The following VSTM4 variants were observed in gnomAD, a reference collection of about 807,000 sequenced individuals.
The protein encoded by VSTM4 is V-set and transmembrane domain-containing protein 4.
Under a neutral mutation model 36.4 loss-of-function variants are expected in VSTM4, and 20 were observed. The observed-to-expected ratio is 0.55, with a 90% CI of 0.39 to 0.80. VSTM4 has a LOEUF of 0.80. Among genes scored for constraint, VSTM4 ranks in the 30% least tolerant of loss-of-function variants. VSTM4 has a pLI of 0.00. For synonymous variants in VSTM4, 182 were observed against 173.9 expected (o/e 1.05, Z -0.37); for missense variants, 392 against 404.5 (o/e 0.97, Z 0.26).
In VSTM4 at chr10:49,077,280, G is replaced by A; in HGVS notation, c.573C>T (p.Ser191=). 6.2e-7 allele frequency: 1 copy of A among 1,614,208 alleles called. No homozygotes were observed. The highest frequency in any genetic ancestry group is 8.5e-7 in the Non-Finnish European group (1 of 1,180,040). The change falls in exon 4 of 8, where the codon AGC becomes AGT. Residue 191 remains serine, a synonymous_variant. Coordinates refer to ENST00000332853, the MANE Select transcript of VSTM4 (RefSeq NM_001031746.5). Reference sequence around the variant, plus strand: ...CGATGACCAGCATGAAGAGCAGAATGCTGAGGATCCCCACGCAGCACACGA... The same window carrying A: ...CGATGACCAGCATGAAGAGCAGAATACTGAGGATCCCCACGCAGCACACGA... ...AVLVCCVGIL[S]ILLFMLVIVW... is the part of the protein sequence containing the mutation.
chr10:49,100,822 GC>G (rs1844653369), intron 2 of VSTM4, among the ~76,000 whole-genome samples: 2 of 152,036 alleles, frequency 1.3e-5, no homozygotes, highest in Non-Finnish European at 2.9e-5. Context: ...GAGGATATTT[GC>G]CCTATTCTAT....
At chr10:49,028,458 T>C (rs528578713) in intron 7 of VSTM4, among the ~76,000 whole-genome samples, 1 of 152,318 alleles carries the variant, frequency 6.6e-6, no homozygotes, top group East Asian at 1.9e-4. Context: ...TTGAGGGTGA[T>C]AATCATGGAA....
intron 2 of VSTM4, chr10:49,103,897 C>A (rs200761200): frequency 6.3e-7 from 1 of 1,588,808 alleles, no homozygotes. Context: ...GCAGGTTAGA[C>A]AAGAGAGACC....
intron 7 of VSTM4, among the ~76,000 whole-genome samples, chr10:49,022,552 T>G (rs892327212): frequency 6.6e-6 from 1 of 152,130 alleles, no homozygotes; most frequent in African/African-American, 2.4e-5. Context: ...TTTTTCAATT[T>G]CAAAGTTAAG....
chr10:49,056,385 G>C (rs1257871557), intron 5 of VSTM4, among the ~76,000 whole-genome samples: 1 of 152,248 alleles, frequency 6.6e-6, no homozygotes, highest in Admixed American at 6.5e-5. Context: ...TAATGGCAGG[G>C]AGAGGTGACT....
chr10:49,038,216 A>G (rs1843463561), intron 7 of VSTM4, among the ~76,000 whole-genome samples: 1 of 152,276 alleles, frequency 6.6e-6, no homozygotes, highest in South Asian at 2.1e-4. Context: ...TCCGTTGTCC[A>G]GCAAGGGATA....
chr10:49,025,207 G>A (rs1346054878), intron 7 of VSTM4, among the ~76,000 whole-genome samples: 2 of 152,164 alleles, frequency 1.3e-5, no homozygotes, highest in Non-Finnish European at 2.9e-5. Flanking sequence ...CCCTGACTAT[G>A]TGACTGTGGT....
intron 7 of VSTM4, among the ~76,000 whole-genome samples, chr10:49,033,687 G>A (rs553233368): frequency 6.6e-6 from 1 of 152,160 alleles, no homozygotes; most frequent in Admixed American, 6.5e-5. Flanking sequence ...CCAAGTGCCT[G>A]GTTGGAGCAG....
intron 7 of VSTM4, among the ~76,000 whole-genome samples, chr10:49,039,179 C>T (rs1186322948): frequency 6.6e-6 from 1 of 152,096 alleles, no homozygotes; most frequent in Non-Finnish European, 1.5e-5. Flanking sequence ...GAGTGAGCCA[C>T]ATCTTAGAGC....
chr10:49,079,148 C>T (rs1844234356), intron 3 of VSTM4, among the ~76,000 whole-genome samples: 1 of 152,060 alleles, frequency 6.6e-6, no homozygotes, highest in Non-Finnish European at 1.5e-5. Context: ...GGATATTAAT[C>T]TACAATAATC....
At chr10:49,095,551 C>T (rs933617200) in intron 2 of VSTM4, among the ~76,000 whole-genome samples, 1 of 152,132 alleles carries the variant, frequency 6.6e-6, no homozygotes, top group Non-Finnish European at 1.5e-5. Context: ...TTGCATGCCT[C>T]TCTGGCCTCT....
At chr10:49,093,742 C>CATT in intron 2 of VSTM4, among the ~76,000 whole-genome samples, 1 of 103,664 alleles carries the variant, frequency 9.6e-6, no homozygotes, top group South Asian at 3.9e-4. Context: ...CATAGTTACT[C>CATT]TTTTTTTTTT....
chr10:49,049,507 G>T (rs1432745323), intron 5 of VSTM4, among the ~76,000 whole-genome samples: 1 of 152,130 alleles, frequency 6.6e-6, no homozygotes, highest in African/African-American at 2.4e-5. Flanking sequence ...GTAATCCAGA[G>T]GGAAGTACCT....
At chr10:49,070,687 T>C (rs1464599623) in intron 4 of VSTM4, among the ~76,000 whole-genome samples, 6 of 152,158 alleles carry the variant, frequency 3.9e-5, no homozygotes, top group Admixed American at 2.0e-4. Context: ...ACCCACTTTA[T>C]AAATAAGGGA....
chr10:49,084,020 C>T (rs1844326852), intron 3 of VSTM4, among the ~76,000 whole-genome samples: 1 of 152,206 alleles, frequency 6.6e-6, no homozygotes, highest in Non-Finnish European at 1.5e-5. Context: ...TTGCCACAGC[C>T]AGGCCCTCTC....
intron 2 of VSTM4, among the ~76,000 whole-genome samples, chr10:49,104,564 C>T (rs1844729832): frequency 6.6e-6 from 1 of 152,158 alleles, no homozygotes; most frequent in Non-Finnish European, 1.5e-5. Flanking sequence ...GAACAGTCCC[C>T]TGGAAGCCTA....
intron 1 of VSTM4, among the ~76,000 whole-genome samples, chr10:49,110,993 C>T (rs370225413): frequency 4.6e-5 from 7 of 152,310 alleles, no homozygotes; most frequent in East Asian, 1.9e-4. Context: ...CACAGGCCCC[C>T]GCCAAGTCTG....
intron 3 of VSTM4, among the ~76,000 whole-genome samples, chr10:49,085,123 G>A (rs1032849368): frequency 6.6e-6 from 1 of 152,224 alleles, no homozygotes; most frequent in African/African-American, 2.4e-5. Context: ...GATTTCTTGG[G>A]CACCATCCCT....
rs117161254 is a variant in VSTM4 at position 49,045,128 on chromosome 10, A to T, written c.837+1855T>A. ...TGTAGATGTCGAGAATTGGCATATA[A>T]ATCCTCCACCTTGCACTCCGCCCTC... On this transcript the variant is annotated intron_variant, in intron 7 of 7. Coordinates refer to ENST00000332853, the MANE Select transcript of VSTM4 (RefSeq NM_001031746.5). Among the ~76,000 whole-genome samples the T allele has an allele frequency of 1.6e-3, 246 of 152,106 alleles. 1 individual carries two copies. The highest frequency in any genetic ancestry group is 2.2e-3 in the Admixed American group (33 of 15,264).
Sources: allele counts gnomAD v4.1 joint callset (sites outside exome capture counted in the v4.1 genomes callset), GRCh38; gene constraint gnomAD v4.1.1; transcripts MANE v1.5; gene names NCBI Gene and HGNC (gene_info 2026-07-23, HGNC 2026-07-21).